Variants in TENM2 observed in about 807,000 individuals in gnomAD.
TENM2 encodes the protein teneurin transmembrane protein 2, also known as teneurin-2.
A neutral mutation model predicts 245.2 loss-of-function variants in TENM2; 52 were observed. The ratio of observed to expected loss-of-function variants is 0.21; its 90% CI spans 0.17 to 0.27. The LOEUF (loss-of-function observed/expected upper bound fraction) is 0.27, where lower values mean the gene tolerates loss of function less well. Ranked by LOEUF, TENM2 falls within the 10% of genes least tolerant of loss-of-function variation. TENM2 has a pLI of 1.00. For synonymous variants in TENM2, 1,363 were observed against 1,438.9 expected, an observed-to-expected ratio of 0.95 and a Z score of 1.19; for missense variants, 3,046 against 3,666.8, an observed-to-expected ratio of 0.83 and a Z score of 4.37.
At chr5:167,248,995 A>G in the TENM2 span, among the ~76,000 whole-genome samples, 1 of 152,182 alleles carries the variant, frequency 6.6e-6, no homozygotes, top group South Asian at 2.1e-4. Context: ...GAATAGGCCA[A>G]TAAAAGGGAA....
intron 2 of TENM2, among the ~76,000 whole-genome samples, chr5:167,580,870 TA>T (rs1561571536): frequency 6.6e-6 from 1 of 152,312 alleles, no homozygotes; most frequent in East Asian, 1.9e-4. Context: ...AAGCTTGTAA[TA>T]CCAGGTACTC....
chr5:167,406,503 C>T (rs1489240243), intron 2 of TENM2, among the ~76,000 whole-genome samples: 12 of 152,134 alleles, frequency 7.9e-5, no homozygotes, highest in Admixed American at 1.3e-4. Context: ...AGCAGAAAAT[C>T]ACCAGCTTTA....
At chr5:167,062,826 G>C in the TENM2 span, among the ~76,000 whole-genome samples, 2 of 152,206 alleles carry the variant, frequency 1.3e-5, no homozygotes, top group Non-Finnish European at 2.9e-5. Flanking sequence ...GAACTTCTTG[G>C]CAGAGAAAAT....
chr5:167,361,851 A>G lies in TENM2; in HGVS notation c.227-13347A>G, dbSNP rs537799038. ...CTTTGGTTTATAGCTCTAACCACAT[A>G]GGGAATGATATATTTTAGTGGAGAA... On this transcript the variant is annotated intron_variant, in intron 1 of 28. Transcript: ENST00000518659. Among the ~76,000 whole-genome samples, 8 of 152,318 alleles carry G rather than the reference A, an allele frequency of 5.3e-5. No individual in the cohort carries two copies. The South Asian group carries it at 1.7e-3, about 32-fold the overall frequency.
At chr5:167,160,009 G>A in the TENM2 span, among the ~76,000 whole-genome samples, 1 of 152,228 alleles carries the variant, frequency 6.6e-6, no homozygotes, top group Non-Finnish European at 1.5e-5. Flanking sequence ...ACATATGGAA[G>A]TCTCTAGATA....
chr5:167,103,695 A>G, the TENM2 span, among the ~76,000 whole-genome samples: 1 of 152,158 alleles, frequency 6.6e-6, no homozygotes. Flanking sequence ...CTCCCTGTGA[A>G]TCTAACCATG....
chr5:167,330,755 A>G (rs184472379), intron 1 of TENM2, among the ~76,000 whole-genome samples: 3 of 152,296 alleles, frequency 2.0e-5, no homozygotes, highest in African/African-American at 7.2e-5. Flanking sequence ...CTTATTTGCT[A>G]TAGCATTTGA....
intron 2 of TENM2, among the ~76,000 whole-genome samples, chr5:167,424,798 A>G (rs995004192): frequency 6.6e-6 from 1 of 152,204 alleles, no homozygotes; most frequent in Non-Finnish European, 1.5e-5. Context: ...TTGTTAGCAC[A>G]TTACTTATTC....
chr5:168,251,929 A>C (rs1562339253), intron 27 of TENM2, among the ~76,000 whole-genome samples: 1 of 152,242 alleles, frequency 6.6e-6, no homozygotes, highest in Non-Finnish European at 1.5e-5. Flanking sequence ...GGGCAGGAAC[A>C]CAAATTAGCC....
At chr5:167,641,170 A>T (rs929056032) in intron 2 of TENM2, among the ~76,000 whole-genome samples, 3 of 151,922 alleles carry the variant, frequency 2.0e-5, no homozygotes, top group Non-Finnish European at 4.4e-5. Flanking sequence ...TACTGTGTCC[A>T]TGCATGTTTA....
At chr5:167,118,015 A>G in the TENM2 span, among the ~76,000 whole-genome samples, 2 of 152,098 alleles carry the variant, frequency 1.3e-5, no homozygotes, top group Non-Finnish European at 2.9e-5. Flanking sequence ...GCCTCTATAC[A>G]CTTCTTTCTA....
chr5:168,136,556 C>G (rs1489119689), intron 12 of TENM2, among the ~76,000 whole-genome samples: 1 of 152,208 alleles, frequency 6.6e-6, no homozygotes, highest in Non-Finnish European at 1.5e-5. Flanking sequence ...AAGGAGAGAA[C>G]ACCACACTCC....
At chr5:167,807,418 G>A (rs999266311) in intron 2 of TENM2, among the ~76,000 whole-genome samples, 1 of 152,122 alleles carries the variant, frequency 6.6e-6, no homozygotes, top group Non-Finnish European at 1.5e-5. Context: ...ACGAGATCAA[G>A]TAGGGGTGAT....
At chr5:167,709,704 G>A (rs543129579) in intron 2 of TENM2, among the ~76,000 whole-genome samples, 21 of 152,244 alleles carry the variant, frequency 1.4e-4, no homozygotes, top group African/African-American at 5.1e-4. Context: ...TTGACCACAC[G>A]AAAGAACATG....
intron 2 of TENM2, among the ~76,000 whole-genome samples, chr5:167,501,038 T>C (rs191254923): frequency 6.6e-6 from 1 of 152,314 alleles, no homozygotes; most frequent in Admixed American, 6.5e-5. Flanking sequence ...CCCCAATTTA[T>C]GTTTCTTGTT....
intron 1 of TENM2, among the ~76,000 whole-genome samples, chr5:167,374,948 G>A (rs956887103): frequency 4.6e-5 from 7 of 152,084 alleles, no homozygotes; most frequent in Non-Finnish European, 8.8e-5. Flanking sequence ...GGGTCAACAT[G>A]CCTAAAAATC....
At chr5:167,264,706 T>G in the TENM2 span, among the ~76,000 whole-genome samples, 1 of 152,220 alleles carries the variant, frequency 6.6e-6, no homozygotes, top group Non-Finnish European at 1.5e-5. Flanking sequence ...CTTCCCCTAC[T>G]GGAAGTGAGA....
intron 2 of TENM2, among the ~76,000 whole-genome samples, chr5:167,659,654 G>A (rs1042233021): frequency 3.3e-5 from 5 of 152,128 alleles, no homozygotes; most frequent in Admixed American, 3.3e-4. Context: ...ATCGTCCTTT[G>A]ATGAATTTAT....
intron 2 of TENM2, among the ~76,000 whole-genome samples, chr5:167,664,171 T>C (rs772918957): frequency 1.3e-5 from 2 of 152,202 alleles, no homozygotes; most frequent in Non-Finnish European, 2.9e-5. Flanking sequence ...CTCTGTAAAG[T>C]ACAACTGAGT....
Sources: allele counts gnomAD v4.1 joint callset (sites outside exome capture counted in the v4.1 genomes callset), GRCh38; gene constraint gnomAD v4.1.1; transcripts MANE v1.5; gene names NCBI Gene and HGNC (gene_info 2026-07-23, HGNC 2026-07-21).